RBPJ: variants seen among roughly 807,000 people sequenced by gnomAD.
The protein encoded by RBPJ is recombination signal binding protein for immunoglobulin kappa J region.
In RBPJ, 9 loss-of-function variants were observed where a neutral mutation model predicts 67.8. That is an observed-to-expected ratio of 0.13 (90% CI 0.08 to 0.23). The LOEUF (loss-of-function observed/expected upper bound fraction) is 0.23, where lower values mean the gene tolerates loss of function less well. Among genes scored for constraint, RBPJ ranks in the 10% least tolerant of loss-of-function variants. The pLI is 1.00. For synonymous variants in RBPJ, 198 were observed against 203.3 expected, an observed-to-expected ratio of 0.97 and a Z score of 0.22; for missense variants, 305 against 595.6, an observed-to-expected ratio of 0.51 and a Z score of 5.08.
intron 1 of RBPJ, among the ~76,000 whole-genome samples, chr4:26,280,106 G>A (rs562298068): frequency 1.3e-5 from 2 of 150,836 alleles, no homozygotes; most frequent in Non-Finnish European, 3.0e-5. Flanking sequence ...TTTTAAGAGA[G>A]AGCCTTGGCC....
Position 26,271,025 on chromosome 4 carries a change from CTATTT to C in RBPJ, c.-166-91419_-166-91415del, listed in dbSNP as rs561350154. 1.5e-4 allele frequency among the ~76,000 whole-genome samples: 22 copies of C among 150,390 alleles called. No individual in the cohort carries two copies. The South Asian group carries it at 1.7e-3, about 11-fold the overall frequency. On this transcript the variant is annotated intron_variant, in intron 1 of 4. Coordinates refer to the RBPJ transcript ENST00000512351. ...TATACAGTATATTATTCTAATTATT[CTATTT>C]TGTTATTAATTATTGTTAAATCTCT... is the stretch of plus-strand genomic sequence containing the variant.
At chr4:26,321,716 A>T (rs916843757) in intron 1 of RBPJ, 8 of 150,478 alleles carry the variant, frequency 5.3e-5, no homozygotes, top group Non-Finnish European at 8.8e-5. Flanking sequence ...TCACCCCCCG[A>T]GGCTTTGTCT....
intron 1 of RBPJ, among the ~76,000 whole-genome samples, chr4:26,171,347 C>A (rs1236786708): frequency 6.6e-6 from 1 of 151,956 alleles, no homozygotes; most frequent in Non-Finnish European, 1.5e-5. Context: ...CAAGGTATCA[C>A]TGTAATGAGA....
intron 7 of RBPJ, among the ~76,000 whole-genome samples, chr4:26,426,466 A>C (rs1295983225): frequency 6.6e-6 from 1 of 152,182 alleles, no homozygotes; most frequent in Non-Finnish European, 1.5e-5. Flanking sequence ...TTATTAGAAA[A>C]AGTTGCAGTA....
intron 1 of RBPJ, among the ~76,000 whole-genome samples, chr4:26,211,190 T>C (rs1718410438): frequency 6.6e-6 from 1 of 152,192 alleles, no homozygotes; most frequent in African/African-American, 2.4e-5. Flanking sequence ...CACGTGTATG[T>C]GTGCAATGTA....
the RBPJ span, among the ~76,000 whole-genome samples, chr4:26,124,415 CATATAT>C: frequency 0.032 from 1,958 of 62,082 alleles, 64 homozygotes; most frequent in East Asian, 0.1. Context: ...AGTATTCCAT[CATATAT>C]ATATATATAT....
At chr4:26,320,828 G>A, upstream of RBPJ, 3 of 1,561,274 alleles carry the variant, frequency 1.9e-6, no homozygotes, top group Non-Finnish European at 2.6e-6. Context: ...AGGTTTCCAG[G>A]GAAGGCAGCG....
In RBPJ at chr4:26,244,413, A is replaced by ATATGTATGCACATATGTGTGCG. The variant is rs1560226556; in HGVS notation, c.-167+80799_-167+80800insTATGTATGCACATATGTGTGCG. ...TATATGTATGCACATATGTGTGTAT[A>ATATGTATGCACATATGTGTGCG]CATATGTGTGTATATATGTATACAT... On this transcript the variant is annotated intron_variant, in intron 1 of 4. Coordinates refer to the RBPJ transcript ENST00000512351. 2.2e-3 allele frequency among the ~76,000 whole-genome samples: 6 copies of ATATGTATGCACATATGTGTGCG among 2,760 alleles called. 1 individual carries two copies. In the South Asian group the frequency reaches 0.054, roughly 25 times the overall value. 1.8% of individuals were successfully genotyped at this position (2,760 alleles called of 152,430 possible).
Position 26,191,208 on chromosome 4 carries a change from T to TAGAGAG in RBPJ, c.-167+27595_-167+27596insGAGAGA, listed in dbSNP as rs1193671956. On this transcript the variant is annotated intron_variant, in intron 1 of 4. Transcript: ENST00000512351. ...ATATATATATATATATATATATATATATAGAGAGAGAGAGAGAGAGAGAGA... is the reference window on the plus strand; with the variant it reads ...ATATATATATATATATATATATATATAGAGAGATAGAGAGAGAGAGAGAGAGAGAGA... Among the ~76,000 whole-genome samples, 230 of 27,238 alleles carry TAGAGAG rather than the reference T, an allele frequency of 8.4e-3. 1 individual carries two copies. Among genetic ancestry groups the TAGAGAG allele is most frequent in the Non-Finnish European group, 0.011 (171 of 16,002 alleles). 17.9% of individuals were successfully genotyped at this position (27,238 alleles called of 152,430 possible). A position where few individuals can be genotyped will look rare whatever the true frequency, so the allele number is the denominator to read the frequency against.
chr4:26,279,531 C>T (rs1289513394), intron 1 of RBPJ, among the ~76,000 whole-genome samples: 1 of 152,212 alleles, frequency 6.6e-6, no homozygotes, highest in Non-Finnish European at 1.5e-5. Context: ...CCGCCTCGGC[C>T]TCCCAAAGCG....
At chr4:26,427,613 G>GA (rs1359866419) in intron 7 of RBPJ, among the ~76,000 whole-genome samples, 1 of 152,150 alleles carries the variant, frequency 6.6e-6, no homozygotes, top group Non-Finnish European at 1.5e-5. Flanking sequence ...AATGAGGACA[G>GA]AAAAGTGCCG....
chr4:26,174,844 C>T (rs1716740019), intron 1 of RBPJ, among the ~76,000 whole-genome samples: 1 of 152,022 alleles, frequency 6.6e-6, no homozygotes, highest in Admixed American at 6.5e-5. Flanking sequence ...TATATACACA[C>T]ATATATGTAC....
At chr4:26,397,252 G>C (rs1253601668) in intron 2 of RBPJ, among the ~76,000 whole-genome samples, 2 of 152,160 alleles carry the variant, frequency 1.3e-5, no homozygotes, top group African/African-American at 4.8e-5. Context: ...CAGTGTAAAA[G>C]GCGAGACTGC....
intron 1 of RBPJ, among the ~76,000 whole-genome samples, chr4:26,313,728 C>T (rs530912913): frequency 4.7e-4 from 71 of 151,400 alleles, no homozygotes; most frequent in Admixed American, 1.1e-3. Flanking sequence ...CCCAGCTACT[C>T]GGGAGGTTGA....
the RBPJ span, among the ~76,000 whole-genome samples, chr4:26,120,306 C>G: frequency 6.6e-6 from 1 of 152,144 alleles, no homozygotes; most frequent in East Asian, 1.9e-4. Flanking sequence ...GGCTTTTCAA[C>G]TGATGTTGAC....
intron 1 of RBPJ, among the ~76,000 whole-genome samples, chr4:26,204,273 T>C (rs570411671): frequency 6.6e-6 from 1 of 152,210 alleles, no homozygotes; most frequent in Admixed American, 6.5e-5. Flanking sequence ...TTTTCTTTAA[T>C]GTGAAAGAAA....
At chr4:26,313,857 A>G (rs1314385684) in intron 1 of RBPJ, among the ~76,000 whole-genome samples, 1 of 152,128 alleles carries the variant, frequency 6.6e-6, no homozygotes, top group African/African-American at 2.4e-5. Flanking sequence ...AATAAATAAA[A>G]ATAATTCTAC....
At chr4:26,388,907 A>G (rs1035665780) in intron 2 of RBPJ, among the ~76,000 whole-genome samples, 29 of 152,134 alleles carry the variant, frequency 1.9e-4, no homozygotes, top group Non-Finnish European at 4.1e-4. Flanking sequence ...TTCTAACTGG[A>G]AAATTAGTGA....
At chr4:26,319,511 A>G (rs1722807497), upstream of RBPJ, among the ~76,000 whole-genome samples, 1 of 137,724 alleles carries the variant, frequency 7.3e-6, no homozygotes, top group Admixed American at 7.3e-5. Context: ...CCTCCCGGGC[A>G]CGCGCTGCAC....
Sources: allele counts gnomAD v4.1 joint callset (sites outside exome capture counted in the v4.1 genomes callset), GRCh38; gene constraint gnomAD v4.1.1; transcripts MANE v1.5; gene names NCBI Gene and HGNC (gene_info 2026-07-23, HGNC 2026-07-21).